RUNX1: variants seen among roughly 807,000 people sequenced by gnomAD.
The protein encoded by RUNX1 is runt-related transcription factor 1.
RUNX1 carries 19 observed loss-of-function variants against 42.8 expected under a neutral mutation model. The ratio of observed to expected loss-of-function variants is 0.44; its 90% CI spans 0.31 to 0.65. The LOEUF is 0.65. RUNX1 is among the 30% of genes least tolerant of loss of function. The pLI, the probability that RUNX1 is intolerant of heterozygous loss-of-function variation, is 0.07. For synonymous variants in RUNX1, 271 were observed against 289.4 expected (o/e 0.94, Z 0.64); for missense variants, 528 against 672.0 (o/e 0.79, Z 2.37).
At chr21:35,008,791 T>C (rs947327096) in intron 2 of RUNX1, among the ~76,000 whole-genome samples, 3 of 152,120 alleles carry the variant, frequency 2.0e-5, no homozygotes, top group Non-Finnish European at 2.9e-5. Flanking sequence ...ATACTGATTA[T>C]GGAATGATCA....
chr21:35,020,842 A>G (rs940128822), intron 2 of RUNX1, among the ~76,000 whole-genome samples: 14 of 152,324 alleles, frequency 9.2e-5, no homozygotes, highest in South Asian at 2.1e-4. Flanking sequence ...TGTATTTACA[A>G]CCTTTAAAAG....
intron 2 of RUNX1, chr21:35,038,521 C>G (rs2059327282): frequency 2.2e-6 from 1 of 454,872 alleles, no homozygotes; most frequent in African/African-American, 2.0e-5. Context: ...TCAGTACATC[C>G]TGGGGAGAAG....
intron 5 of RUNX1, among the ~76,000 whole-genome samples, chr21:34,861,257 T>C (rs1291464775): frequency 6.6e-6 from 1 of 152,146 alleles, no homozygotes. Flanking sequence ...GAGGACTGGG[T>C]AGAAGAGGCC....
intron 5 of RUNX1, among the ~76,000 whole-genome samples, chr21:34,877,162 A>T (rs975131602): frequency 3.3e-5 from 5 of 152,088 alleles, no homozygotes; most frequent in Non-Finnish European, 2.9e-5. Context: ...CCCGGATACC[A>T]ATTGCTAAAA....
intron 2 of RUNX1, among the ~76,000 whole-genome samples, chr21:34,955,103 T>C (rs1227954324): frequency 6.6e-6 from 1 of 152,148 alleles, no homozygotes. Flanking sequence ...AGGGCAGTTT[T>C]TTATTTTTCA....
chr21:35,031,438 G>T (rs990924623), intron 2 of RUNX1, among the ~76,000 whole-genome samples: 3 of 151,904 alleles, frequency 2.0e-5, no homozygotes, highest in Non-Finnish European at 4.4e-5. Context: ...AGCCATTATG[G>T]AAAACTGTAT....
intron 2 of RUNX1, among the ~76,000 whole-genome samples, chr21:34,994,648 C>T (rs775872335): frequency 8.6e-5 from 13 of 151,790 alleles, no homozygotes; most frequent in African/African-American, 1.5e-4. Context: ...CCTACATTTA[C>T]GGGTACTACG....
chr21:34,965,200 G>A (rs977960696), intron 2 of RUNX1, among the ~76,000 whole-genome samples: 20 of 54,680 alleles, frequency 3.7e-4, no homozygotes, highest in African/African-American at 1.4e-3. Context: ...GCTCCCGCAC[G>A]TGCACACACA....
rs568114417 is a variant in RUNX1, at chr21:34,912,607, C to G, written c.59-19644G>C. ...AGCAAGGAAGACTCATCTATATAGT[C>G]CCCTCAGTCCCATTGCCCCAGCCTG... On this transcript the variant is annotated intron_variant, in intron 2 of 8. Transcript: ENST00000675419. 7.9e-5 allele frequency among the ~76,000 whole-genome samples: 12 copies of G among 152,306 alleles called. No individual in the cohort carries two copies. In the East Asian group the frequency reaches 2.3e-3, roughly 29 times the overall value.
chr21:34,945,796 G>A (rs571244876), intron 2 of RUNX1, among the ~76,000 whole-genome samples: 23 of 152,096 alleles, frequency 1.5e-4, no homozygotes, highest in Middle Eastern at 3.4e-3. Flanking sequence ...GTATTTCCTG[G>A]GCTTTGACTA....
intron 6 of RUNX1, among the ~76,000 whole-genome samples, chr21:34,858,117 T>C (rs2146225806): frequency 6.6e-6 from 1 of 152,202 alleles, no homozygotes. Context: ...TGGTGATTAT[T>C]TGCAGAGCTC....
At chr21:34,811,275 C>G (rs541076959) in intron 7 of RUNX1, among the ~76,000 whole-genome samples, 40 of 152,336 alleles carry the variant, frequency 2.6e-4, no homozygotes, top group Admixed American at 1.1e-3. Flanking sequence ...TCAATAAACG[C>G]GAGTGAAATC....
intron 2 of RUNX1, among the ~76,000 whole-genome samples, chr21:34,982,604 C>G (rs2058855664): frequency 1.3e-5 from 2 of 152,170 alleles, no homozygotes; most frequent in Non-Finnish European, 2.9e-5. Flanking sequence ...GAGTCTCACT[C>G]TGTCACCCAG....
At chr21:34,990,489 A>T (rs2242881) in intron 2 of RUNX1, among the ~76,000 whole-genome samples, 33,617 of 152,068 alleles carry the variant, frequency 0.22, 5,017 homozygotes, top group African/African-American at 0.42. Context: ...CAATAGGCCT[A>T]GTCATAAAAG....
At chr21:34,930,768 A>C (rs1398525904) in intron 2 of RUNX1, among the ~76,000 whole-genome samples, 2 of 152,004 alleles carry the variant, frequency 1.3e-5, no homozygotes, top group Non-Finnish European at 2.9e-5. Flanking sequence ...TTTCAGAGAT[A>C]AAATTTTGAG....
At chr21:35,000,730 T>C (rs917505307) in intron 2 of RUNX1, among the ~76,000 whole-genome samples, 1 of 152,180 alleles carries the variant, frequency 6.6e-6, no homozygotes, top group Non-Finnish European at 1.5e-5. Flanking sequence ...GGGAAATTCT[T>C]TGTTATCTCT....
intron 2 of RUNX1, among the ~76,000 whole-genome samples, chr21:34,914,179 C>G (rs2058294312): frequency 6.6e-6 from 1 of 152,190 alleles, no homozygotes; most frequent in South Asian, 2.1e-4. Flanking sequence ...CGGCTGTCTC[C>G]TGGCAGGAGC....
chr21:34,886,125 C>T lies in RUNX1; in HGVS notation c.351+718G>A, dbSNP rs150300439. ...GCGGGCCGCTGGGACCCCTGGCTCT[C>T]CGAAAACAGCCTCGTCACCTTTCGC... On this transcript the variant is annotated intron_variant, in intron 4 of 8. Coordinates refer to ENST00000675419, the MANE Select transcript of RUNX1 (RefSeq NM_001754.5). Among the ~76,000 whole-genome samples, 960 of 152,340 alleles carry T rather than the reference C, an allele frequency of 6.3e-3. 6 individuals are homozygous for T. The highest frequency in any genetic ancestry group is 0.014 in the Middle Eastern group (4 of 294).
intron 2 of RUNX1, among the ~76,000 whole-genome samples, chr21:34,918,830 C>A (rs2058332018): frequency 6.6e-6 from 1 of 152,158 alleles, no homozygotes; most frequent in Admixed American, 6.5e-5. Context: ...CGCTTGAACC[C>A]AGCAGATGGA....
Sources: allele counts gnomAD v4.1 joint callset (sites outside exome capture counted in the v4.1 genomes callset), GRCh38; gene constraint gnomAD v4.1.1; transcripts MANE v1.5; gene names NCBI Gene and HGNC (gene_info 2026-07-23, HGNC 2026-07-21).